Variants in TP73 observed in about 807,000 individuals in gnomAD.
TP73 encodes the protein tumor protein p73, also known as p53-like transcription factor.
A neutral mutation model predicts 62.5 loss-of-function variants in TP73; 25 were observed. The observed-to-expected ratio is 0.40, with a 90% CI of 0.29 to 0.56. The LOEUF is 0.56. Ranked by LOEUF, TP73 falls within the 20% of genes least tolerant of loss-of-function variation. The pLI is 0.46. For missense variants in TP73, 754 were observed against 913.3 expected (o/e 0.83, Z 2.25); for synonymous variants, 423 against 377.5 (o/e 1.12, Z -1.40).
intron 1 of TP73, among the ~76,000 whole-genome samples, chr1:3,664,064 AC>A (rs2102021508): frequency 6.6e-6 from 1 of 152,276 alleles, no homozygotes; most frequent in African/African-American, 2.4e-5. Flanking sequence ...CTATGGGACC[AC>A]ACCTGAGAAC....
intron 3 of TP73, chr1:3,697,953 C>G (rs938156768): frequency 5.7e-6 from 2 of 353,870 alleles, no homozygotes; most frequent in South Asian, 2.3e-4. Context: ...GGAGGTGGCA[C>G]GCCCCGTGAC....
At chr1:3,676,601 C>T (rs1249289602) in intron 1 of TP73, among the ~76,000 whole-genome samples, 1 of 151,870 alleles carries the variant, frequency 6.6e-6, no homozygotes, top group Admixed American at 6.6e-5. Flanking sequence ...TCACCGGCTG[C>T]GGACTCCTCC....
Position 3,685,631 on chromosome 1 carries a change from G to A in TP73, c.186+2451G>A, listed in dbSNP as rs557198286. On this transcript the variant is annotated intron_variant, in intron 3 of 13. Coordinates refer to ENST00000378295, the MANE Select transcript of TP73 (RefSeq NM_005427.4). ...CGCCAGGTACAAAGACAGAGACTCC[G>A]AAGGGCGCCAACGGGTGGGCTCGGG... 1.2e-3 allele frequency among the ~76,000 whole-genome samples: 190 copies of A among 152,344 alleles called. 2 individuals are homozygous for A. In the East Asian group the frequency reaches 0.014, roughly 11 times the overall value.
rs1642434909 is a variant in TP73 at position 3,735,945 on chromosome 1, ACAGT to A, written c.*2871_*2874del. 6.6e-6 allele frequency: 1 copy of A among 152,214 alleles called. No homozygotes were observed. The highest frequency in any genetic ancestry group is 2.4e-5 in the African/African-American group (1 of 41,456). The allele number at this position is 152,214 out of a possible 1,614,324, so 9.4% of individuals were successfully genotyped here. On this transcript the variant is annotated 3_prime_UTR_variant, in exon 14 of 14. Transcript: ENST00000378295. Reference sequence around the variant, plus strand: ...GGCACAGAGCCACTTGTCACTCAGAACAGTCAGTGTCTCCAACGCACAAACATCC... The same window carrying A: ...GGCACAGAGCCACTTGTCACTCAGAACAGTGTCTCCAACGCACAAACATCC...
chr1:3,723,789 C>T (rs1428121076), intron 6 of TP73, among the ~76,000 whole-genome samples: 4 of 152,268 alleles, frequency 2.6e-5, no homozygotes, highest in Non-Finnish European at 4.4e-5. Flanking sequence ...TGGTTCCGGC[C>T]TGGGGCTCCC....
At chr1:3,727,277 C>CG (rs1641727385) in intron 7 of TP73, 53 bp downstream of exon 7, 1 of 1,536,168 alleles carries the variant, frequency 6.5e-7, no homozygotes, top group Admixed American at 1.7e-5. Flanking sequence ...CAGGCACGGC[C>CG]GGGGGAGAAG....
chr1:3,689,523 C>T (rs1355663852), intron 3 of TP73, among the ~76,000 whole-genome samples: 3 of 152,060 alleles, frequency 2.0e-5, no homozygotes, highest in Non-Finnish European at 4.4e-5. Context: ...CAGGGCGGGT[C>T]CCCAGGGCTC....
intron 3 of TP73, among the ~76,000 whole-genome samples, chr1:3,704,726 G>A (rs1570528117): frequency 6.6e-6 from 1 of 152,168 alleles, no homozygotes; most frequent in South Asian, 2.1e-4. Context: ...CTTGGGCCTC[G>A]GTGAGGAGTC....
At chr1:3,727,399 G>A in intron 7 of TP73, 175 bp downstream of exon 7, 1 of 920,492 alleles carries the variant, frequency 1.1e-6, no homozygotes, top group Non-Finnish European at 1.6e-6. Flanking sequence ...CTGGGCACAA[G>A]CTGGGCCTCC....
chr1:3,665,695 C>T (rs1200992223), intron 1 of TP73, among the ~76,000 whole-genome samples: 4 of 150,942 alleles, frequency 2.7e-5, no homozygotes, highest in African/African-American at 9.8e-5. Flanking sequence ...CTCTCTGTCA[C>T]CCAGGCTGGA....
intron 1 of TP73, among the ~76,000 whole-genome samples, chr1:3,655,836 C>G (rs1371449389): frequency 2.0e-5 from 3 of 152,074 alleles, no homozygotes; most frequent in African/African-American, 4.8e-5. Flanking sequence ...CAGGATGCCT[C>G]GAAAATCCTT....
rs1476212215 is a variant in TP73 at position 3,666,420 on chromosome 1, G to A, written c.-34+13779G>A. Among the ~76,000 whole-genome samples, 2 of 152,164 alleles carry A rather than the reference G, an allele frequency of 1.3e-5. No homozygotes were observed. Among genetic ancestry groups the A allele is most frequent in the Non-Finnish European group, 2.9e-5 (2 of 68,038 alleles). ...GTGCAGAGTAAGCTGTGTGTTGGTG[G>A]GGTGTAATTATGGGTCATATTGACA... On this transcript the variant is annotated intron_variant, in intron 1 of 13. Transcript: ENST00000378295. The surrounding 1 kb of genome is among the most constrained non-coding windows in gnomAD (Gnocchi z 6.4).
At chr1:3,730,554 T>G (rs537542372) in intron 11 of TP73, among the ~76,000 whole-genome samples, 1 of 152,212 alleles carries the variant, frequency 6.6e-6, no homozygotes, top group East Asian at 1.9e-4. Context: ...TGGATAGAGT[T>G]TGGGCCCCCT....
chr1:3,665,963 C>T (rs576128560), intron 1 of TP73, among the ~76,000 whole-genome samples: 1 of 150,974 alleles, frequency 6.6e-6, no homozygotes, highest in African/African-American at 2.4e-5. Flanking sequence ...AGTGAAACCC[C>T]ATCTCTACTA....
chr1:3,684,266 TTTGCGCTGCG>T (rs1337959180), intron 3 of TP73, among the ~76,000 whole-genome samples: 42 of 152,308 alleles, frequency 2.8e-4, no homozygotes, highest in African/African-American at 9.4e-4. Flanking sequence ...GGGGAATTTG[TTTGCGCTGCG>T]GAAAACCAGC....
chr1:3,704,055 G>C (rs1215639818), intron 3 of TP73, among the ~76,000 whole-genome samples: 1 of 152,204 alleles, frequency 6.6e-6, no homozygotes, highest in African/African-American at 2.4e-5. Context: ...CAGCTGGACT[G>C]GGGGAGCCGT....
chr1:3,719,853 G>C (rs1372403889), intron 4 of TP73, among the ~76,000 whole-genome samples: 2 of 151,508 alleles, frequency 1.3e-5, no homozygotes, highest in Admixed American at 6.6e-5. Flanking sequence ...TGGGCTGCTA[G>C]CTCTGCAAGG....
chr1:3,706,356 G>A (rs1639632597), intron 3 of TP73, among the ~76,000 whole-genome samples: 3 of 149,524 alleles, frequency 2.0e-5, no homozygotes, highest in African/African-American at 7.5e-5. Flanking sequence ...GGACAATCAC[G>A]GTGCCCGCCG....
intron 4 of TP73, among the ~76,000 whole-genome samples, chr1:3,709,296 A>G (rs1191332831): frequency 6.6e-6 from 1 of 152,150 alleles, no homozygotes; most frequent in Non-Finnish European, 1.5e-5. Flanking sequence ...GGGGCAGAGG[A>G]CCTGGCACCT....
Sources: allele counts gnomAD v4.1 joint callset (sites outside exome capture counted in the v4.1 genomes callset), GRCh38; gene constraint gnomAD v4.1.1; non-coding constraint Gnocchi (gnomAD v3.1); transcripts MANE v1.5; gene names NCBI Gene and HGNC (gene_info 2026-07-23, HGNC 2026-07-21).